COL5A1: variants seen among roughly 807,000 people sequenced by gnomAD.
COL5A1 encodes collagen type V alpha 1 chain, also known as collagen alpha-1(V) chain.
A neutral mutation model predicts 263.7 loss-of-function variants in COL5A1; 16 were observed. The ratio of observed to expected loss-of-function variants is 0.06; its 90% CI spans 0.04 to 0.09. COL5A1 has a LOEUF of 0.09. Among genes scored for constraint, COL5A1 ranks in the 10% least tolerant of loss-of-function variants. The pLI is 1.00. For missense variants in COL5A1, 2,036 were observed against 2,540.5 expected (o/e 0.80, Z 4.27); for synonymous variants, 1,012 against 1,004.5 (o/e 1.01, Z -0.14).
At chr9:134,804,826 C>T in intron 39 of COL5A1, 149 bp from the exon 40 acceptor site, 1 of 718,030 alleles carries the variant, frequency 1.4e-6, no homozygotes, top group Non-Finnish European at 2.5e-6. Flanking sequence ...GGAGAGAAGG[C>T]CCCAACCCTT....
intron 2 of COL5A1, 32 bp from the exon 3 acceptor site, chr9:134,699,877 G>A (rs755556782): frequency 1.6e-5 from 26 of 1,607,816 alleles, no homozygotes; most frequent in South Asian, 5.5e-5. Flanking sequence ...GGGGCTCCCC[G>A]ACTGCCTTCT....
chr9:134,736,277 C>T (rs1835095525), intron 9 of COL5A1, among the ~76,000 whole-genome samples: 1 of 152,244 alleles, frequency 6.6e-6, no homozygotes, highest in Non-Finnish European at 1.5e-5. Flanking sequence ...CTTCATTGGC[C>T]CACAGTTCTG....
chr9:134,748,309 TG>T (rs1303296307), intron 11 of COL5A1, among the ~76,000 whole-genome samples: 1 of 149,676 alleles, frequency 6.7e-6, no homozygotes, highest in Non-Finnish European at 1.5e-5. Context: ...ACACATGCAT[TG>T]ATAGTCACAT....
chr9:134,822,894 TG>T, intron 59 of COL5A1, 103 bp from the exon 60 acceptor site: 1 of 1,269,784 alleles, frequency 7.9e-7, no homozygotes, highest in Non-Finnish European at 1.1e-6. Flanking sequence ...GGGATGCGGG[TG>T]GGAGAGGGGC....
Position 134,711,804 on chromosome 9 carries a change from C to T in COL5A1, c.654+10471C>T, listed in dbSNP as rs75004656. On this transcript the variant is annotated intron_variant, in intron 4 of 65. Transcript: ENST00000371817. ...TCTTGCATCTCCTGATCCAAATCCC[C>T]GCTCTTCAGTCACATCTCCTGTGTC... 3.0e-3 allele frequency among the ~76,000 whole-genome samples: 458 copies of T among 152,136 alleles called. 2 individuals are homozygous for T. Among genetic ancestry groups the T allele is most frequent in the African/African-American group, 0.011 (440 of 41,494 alleles).
chr9:134,767,595 G>A (rs1836724202), intron 24 of COL5A1, among the ~76,000 whole-genome samples: 2 of 152,222 alleles, frequency 1.3e-5, no homozygotes, highest in South Asian at 4.1e-4. Flanking sequence ...AGGGGTTGCT[G>A]GATTTAGCAA....
rs1047816921 is a variant in COL5A1, at chr9:134,742,506, C to T, written c.1494+3698C>T. Among the ~76,000 whole-genome samples the T allele has an allele frequency of 5.3e-5, 8 of 152,114 alleles. No individual in the cohort carries two copies. The highest frequency in any genetic ancestry group is 1.0e-4 in the Non-Finnish European group (7 of 68,028). On this transcript the variant is annotated intron_variant, in intron 11 of 65. Coordinates refer to ENST00000371817, the MANE Select transcript of COL5A1 (RefSeq NM_000093.5). This position sits in a 1 kb window ranked among gnomAD's most constrained non-coding sequence, Gnocchi z 4.6. ...AGGTGCACAGCTGGGGCAATGTGCCCGCAGGGAGATAGAGGTAGACCTGGG... is the reference window on the plus strand; with the variant it reads ...AGGTGCACAGCTGGGGCAATGTGCCTGCAGGGAGATAGAGGTAGACCTGGG...
intron 1 of COL5A1, among the ~76,000 whole-genome samples, chr9:134,685,653 C>T (rs1833043655): frequency 2.0e-5 from 3 of 149,974 alleles, no homozygotes; most frequent in South Asian, 4.4e-4. Context: ...TCCATGCATC[C>T]ATTCATCCAT....
chr9:134,656,476 T>C (rs1314105768), intron 1 of COL5A1, among the ~76,000 whole-genome samples: 1 of 152,202 alleles, frequency 6.6e-6, no homozygotes, highest in Non-Finnish European at 1.5e-5. Context: ...CTCTCTGATC[T>C]GAGGCAGCTT....
At position 134,785,069 on chromosome 9, in the gene COL5A1, C is replaced by A; in HGVS notation, c.2565C>A (p.Pro855=). The A allele has an allele frequency of 6.2e-7, 1 of 1,613,256 alleles. No individual in the cohort carries two copies. Among genetic ancestry groups the A allele is most frequent in the Non-Finnish European group, 8.5e-7 (1 of 1,179,850 alleles). Residue 855 remains proline (P), a synonymous_variant, in exon 30 of 66, where the codon CCC becomes CCA. Coordinates refer to ENST00000371817, the MANE Select transcript of COL5A1 (RefSeq NM_000093.5). ...GTCGCGGAGGTCCCAATGGTGACCC[C>A]GGTCCTCTGGGACCCCCTGGGGAGA... ...PKGRGGPNGD[P]GPLGPPGEKG...
chr9:134,715,251 T>C (rs1391532261), intron 4 of COL5A1, among the ~76,000 whole-genome samples: 2 of 152,104 alleles, frequency 1.3e-5, no homozygotes, highest in African/African-American at 4.8e-5. Context: ...GATGTGCACA[T>C]ACATAAACGT....
chr9:134,785,620 A>G (rs1837428197), intron 30 of COL5A1, among the ~76,000 whole-genome samples: 2 of 152,224 alleles, frequency 1.3e-5, no homozygotes, highest in Admixed American at 1.3e-4. Context: ...TGGTGCATGC[A>G]GTGGTCCAGA....
Position 134,779,210 on chromosome 9 carries a change from C to T in COL5A1, c.2386-892C>T, listed in dbSNP as rs573751010. ...CACGGGCAGGTGGCCTGAGGTAGCC[C>T]GAGGTAGTCTCTCTAGCTAAAAGTC... On this transcript the variant is annotated intron_variant, in intron 27 of 65. Coordinates refer to ENST00000371817, the MANE Select transcript of COL5A1 (RefSeq NM_000093.5). Among the ~76,000 whole-genome samples the T allele has an allele frequency of 8.6e-4, 131 of 152,330 alleles. 2 individuals are homozygous for T. Among genetic ancestry groups the T allele is most frequent in the African/African-American group, 2.8e-3 (116 of 41,578 alleles).
Position 134,738,828 on chromosome 9 carries a change from T to A in COL5A1, c.1494+20T>A. On this transcript the variant is annotated intron_variant, in intron 11 of 65. Coordinates refer to ENST00000371817, the MANE Select transcript of COL5A1 (RefSeq NM_000093.5). Reference sequence around the variant, plus strand: ...GAAAGGGTAAGAGGTTGACTGTGTTTCCTGAGATCACACAAGGTGTGGGGC... The same window carrying A: ...GAAAGGGTAAGAGGTTGACTGTGTTACCTGAGATCACACAAGGTGTGGGGC... The A allele has an allele frequency of 6.2e-7, 1 of 1,606,580 alleles. No individual in the cohort carries two copies. The highest frequency in any genetic ancestry group is 8.5e-7 in the Non-Finnish European group (1 of 1,173,354).
At chr9:134,744,546 CAT>C (rs2132666699) in intron 11 of COL5A1, among the ~76,000 whole-genome samples, 1 of 152,208 alleles carries the variant, frequency 6.6e-6, no homozygotes, top group East Asian at 1.9e-4. Flanking sequence ...CACACCCACA[CAT>C]GCACACACAT....
intron 11 of COL5A1, among the ~76,000 whole-genome samples, chr9:134,749,279 T>G (rs150853035): frequency 2.6e-5 from 4 of 152,180 alleles, no homozygotes; most frequent in African/African-American, 9.7e-5. Flanking sequence ...CACAGCCTCA[T>G]AGTGATGAAT....
chr9:134,689,892 C>T (rs1833213549), intron 1 of COL5A1, among the ~76,000 whole-genome samples: 1 of 152,248 alleles, frequency 6.6e-6, no homozygotes, highest in Non-Finnish European at 1.5e-5. Context: ...TCTGCCGGGA[C>T]TCCCAGGGAG....
chr9:134,655,285 C>G (rs541842880), intron 1 of COL5A1, among the ~76,000 whole-genome samples: 2 of 151,850 alleles, frequency 1.3e-5, no homozygotes, highest in African/African-American at 4.8e-5. Flanking sequence ...TTTTGTGCAT[C>G]GATGTGGGAG....
intron 39 of COL5A1, 81 bp from the exon 40 acceptor site, chr9:134,804,894 C>T: frequency 8.0e-7 from 1 of 1,247,998 alleles, no homozygotes. Context: ...GAGAAGGCCC[C>T]AGCCCTTGGC....
Sources: gnomAD v4.1 joint callset for allele counts (sites outside exome capture counted in the v4.1 genomes callset) on GRCh38, gnomAD v4.1.1 for gene constraint, Gnocchi (gnomAD v3.1) non-coding constraint, MANE v1.5 for transcripts, NCBI Gene and HGNC (gene_info 2026-07-23, HGNC 2026-07-21) for gene names.